The following CD59 variants were observed in gnomAD, a reference collection of about 807,000 sequenced individuals.
CD59 encodes the protein CD59 molecule (CD59 blood group).
In CD59, 3 loss-of-function variants were observed where a neutral mutation model predicts 7.0. The ratio of observed to expected loss-of-function variants is 0.43; its 90% confidence interval spans 0.19 to 1.10. The LOEUF is 1.10. Ranked by LOEUF, CD59 falls within the 50% of genes least tolerant of loss-of-function variation. The pLI is 0.29. For missense variants in CD59, 143 were observed against 151.0 expected (o/e 0.95, Z 0.28); for synonymous variants, 60 against 62.0 (o/e 0.97, Z 0.15).
rs1194694381 is a variant in CD59, at chr11:33,710,336, T to C, written c.177A>G (p.Gln59=). Residue 59 remains glutamine, a synonymous_variant, in exon 4 of 4, where the codon CAA becomes CAG. Transcript: ENST00000642928. ...DACLITKAGL[Q]VYNKCWKFEH... is the part of the protein sequence containing the mutation. ...CAAACTTCCAACACTTGTTATACAC[T>C]TGTAACCCTGTGGGGAGACACACAC... The C allele has an allele frequency of 1.9e-6, 3 of 1,613,636 alleles. No homozygotes were observed. In the East Asian group the frequency reaches 6.7e-5, roughly 36 times the overall value.
chr11:33,716,328 T>C (rs1853788017), intron 3 of CD59, among the ~76,000 whole-genome samples: 1 of 152,234 alleles, frequency 6.6e-6, no homozygotes, highest in African/African-American at 2.4e-5. Context: ...CTCAGGTTTT[T>C]CTGAACATGT....
intron 1 of CD59, among the ~76,000 whole-genome samples, chr11:33,729,536 G>A (rs918679067): frequency 2.0e-5 from 3 of 152,012 alleles, no homozygotes; most frequent in Non-Finnish European, 4.4e-5. Flanking sequence ...GGGTGGGGGA[G>A]GGATAGCATT....
At chr11:33,723,704 C>G (rs575348711) in intron 1 of CD59, among the ~76,000 whole-genome samples, 1 of 152,294 alleles carries the variant, frequency 6.6e-6, no homozygotes, top group South Asian at 2.1e-4. Flanking sequence ...GACCTGGGCT[C>G]CAGCACATGC....
chr11:33,708,954 T>TA lies in CD59; in HGVS notation c.*1171dup, dbSNP rs1233145034. ...GCAAAAGTCAGCCTATGCCATTAAA[T>TA]ACAGCCAAGATCATAAAATACAAAT... is the stretch of plus-strand genomic sequence containing the variant. On this transcript the variant is annotated 3_prime_UTR_variant, in exon 4 of 4. Coordinates refer to ENST00000642928, the MANE Select transcript of CD59 (RefSeq NM_000611.6). 5 of 152,184 alleles carry TA rather than the reference T, an allele frequency of 3.3e-5. No homozygotes were observed. Among genetic ancestry groups the TA allele is most frequent in the Admixed American group, 1.3e-4 (2 of 15,278 alleles). 9.4% of individuals were successfully genotyped at this position (152,184 alleles called of 1,614,324 possible). A position where few individuals can be genotyped will look rare whatever the true frequency, so the allele number is the denominator to read the frequency against.
chr11:33,708,532 A>G lies in CD59; in HGVS notation c.*1594T>C, dbSNP rs1350175502. The G allele has an allele frequency of 5.4e-5, 7 of 130,206 alleles. No homozygotes were observed. Among genetic ancestry groups the G allele is most frequent in the Admixed American group, 2.0e-4 (2 of 9,858 alleles). 8.1% of individuals were successfully genotyped at this position (130,206 alleles called of 1,614,324 possible). A position where few individuals can be genotyped will look rare whatever the true frequency, so the allele number is the denominator to read the frequency against. On this transcript the variant is annotated 3_prime_UTR_variant, in exon 4 of 4. Transcript: ENST00000642928. ...TCATCAAAATTGTTTCTCATTCCTTAGAACTCACATGAAATGAGCTTCTTT... is the reference window on the plus strand; with the variant it reads ...TCATCAAAATTGTTTCTCATTCCTTGGAACTCACATGAAATGAGCTTCTTT...
At chr11:33,725,620 A>G (rs1245806440) in intron 1 of CD59, among the ~76,000 whole-genome samples, 1 of 152,162 alleles carries the variant, frequency 6.6e-6, no homozygotes, top group Non-Finnish European at 1.5e-5. Context: ...GCGTAAGTTG[A>G]CTCTAAAGTC....
At chr11:33,732,696 A>G (rs1157400359) in intron 1 of CD59, among the ~76,000 whole-genome samples, 1 of 152,208 alleles carries the variant, frequency 6.6e-6, no homozygotes, top group Non-Finnish European at 1.5e-5. Context: ...CCATAAGGTA[A>G]ACTGAACCTT....
chr11:33,730,996 T>C (rs1386878358), intron 1 of CD59, among the ~76,000 whole-genome samples: 2 of 152,200 alleles, frequency 1.3e-5, no homozygotes, highest in Non-Finnish European at 2.9e-5. Context: ...TTCTCTTCCT[T>C]ACGATTTTCT....
intron 2 of CD59, among the ~76,000 whole-genome samples, chr11:33,720,450 A>G (rs1439346851): frequency 1.3e-5 from 2 of 152,200 alleles, no homozygotes; most frequent in East Asian, 1.9e-4. Flanking sequence ...TGTAATCCCA[A>G]CACTTTGGCA....
intron 2 of CD59, among the ~76,000 whole-genome samples, chr11:33,721,393 A>T (rs1349262086): frequency 6.6e-6 from 1 of 152,246 alleles, no homozygotes; most frequent in African/African-American, 2.4e-5. Context: ...CCCAGTAAAC[A>T]ATAAACAGTG....
rs1564975530 is a variant in CD59, at chr11:33,722,393, A to C, written c.53T>G (p.Val18Gly). The C allele has an allele frequency of 1.2e-6, 2 of 1,612,312 alleles. No individual in the cohort carries two copies. Among genetic ancestry groups the C allele is most frequent in the African/African-American group, 2.7e-5 (2 of 74,904 alleles). ...GGAGCACTCACCTGAATGGCAGAAG[A>C]CAGCCAGGACGAGCAGCAGCCCGAA... is the stretch of plus-strand genomic sequence containing the variant. ...VLFGLLLVLA[V>G]FCHSGHSLQC... is the part of the protein sequence containing the mutation. Residue 18 changes from valine to glycine, a missense_variant, in exon 2 of 4, where the codon GTC becomes GGC. Val to Gly is a moderately radical substitution (Grantham distance 109, BLOSUM62 -3). Transcript: ENST00000642928.
At chr11:33,710,460 T>G in intron 3 of CD59, 117 bp from the exon 4 acceptor site, 1 of 804,750 alleles carries the variant, frequency 1.2e-6, no homozygotes, top group East Asian at 2.5e-5. Context: ...CTAGGCAAGA[T>G]GCTCATCCCA....
intron 1 of CD59, chr11:33,722,765 T>G: frequency 1.8e-6 from 2 of 1,106,740 alleles, no homozygotes; most frequent in African/African-American, 1.6e-5. Context: ...GCCACTGTGG[T>G]TCCCACTCTA....
At chr11:33,735,525 TC>T (rs1854540376) in intron 1 of CD59, among the ~76,000 whole-genome samples, 1 of 152,058 alleles carries the variant, frequency 6.6e-6, no homozygotes, top group East Asian at 1.9e-4. Context: ...TACCTCAGCC[TC>T]CCGGGTTAAT....
chr11:33,733,072 T>C (rs1018412406), intron 1 of CD59, among the ~76,000 whole-genome samples: 1 of 152,126 alleles, frequency 6.6e-6, no homozygotes, highest in Non-Finnish European at 1.5e-5. Flanking sequence ...AAGCTAAGAA[T>C]GGTCCTCAAC....
intron 1 of CD59, among the ~76,000 whole-genome samples, chr11:33,730,018 C>T (rs1250086013): frequency 2.0e-5 from 3 of 151,852 alleles, no homozygotes; most frequent in South Asian, 2.1e-4. Context: ...AACTGCATAG[C>T]CTAGAAATAT....
rs374081683 is a variant in CD59 at position 33,717,482 on chromosome 11, G to T, written c.68-11C>A. 13 of 1,568,918 alleles carry T rather than the reference G, an allele frequency of 8.3e-6. No individual in the cohort carries two copies. In the African/African-American group the frequency reaches 1.1e-4, roughly 13 times the overall value. On this transcript the variant is annotated splice_polypyrimidine_tract_variant and intron_variant, in intron 2 of 3. Transcript: ENST00000642928. ...ACTGCAGGCTATGACCTAGAATCAG[G>T]AAGAAAGTCAGGATCTCTTAAAGCA...
chr11:33,730,086 C>A (rs919962888), intron 1 of CD59, among the ~76,000 whole-genome samples: 2 of 152,062 alleles, frequency 1.3e-5, no homozygotes, highest in East Asian at 3.9e-4. Context: ...TATATAGATA[C>A]TAGTCTATTT....
At chr11:33,711,630 T>C (rs1303993556) in intron 3 of CD59, 5 of 525,670 alleles carry the variant, frequency 9.5e-6, no homozygotes, top group Non-Finnish European at 1.7e-5. Flanking sequence ...TGAGCTATGA[T>C]TGTACTGCTG....
Sources: allele counts gnomAD v4.1 joint callset (sites outside exome capture counted in the v4.1 genomes callset), GRCh38; gene constraint gnomAD v4.1.1; transcripts MANE v1.5; gene names NCBI Gene and HGNC (gene_info 2026-07-23, HGNC 2026-07-21).